Variants in FAM162A observed in about 807,000 individuals in gnomAD.
FAM162A encodes the protein family with sequence similarity 162 member A.
In FAM162A, 23 loss-of-function variants were observed where a neutral mutation model predicts 21.8. That is an observed-to-expected ratio of 1.05 (90% CI 0.76 to 1.49). The LOEUF is 1.49. FAM162A is among the 40% of genes most tolerant of loss of function. FAM162A has a pLI of 0.00. For missense variants in FAM162A, 165 were observed against 186.4 expected, an observed-to-expected ratio of 0.89 and a Z score of 0.67; for synonymous variants, 53 against 61.3, an observed-to-expected ratio of 0.86 and a Z score of 0.64.
At chr3:122,404,420 A>C in intron 3 of FAM162A, 57 bp downstream of exon 3, 1 of 889,562 alleles carries the variant, frequency 1.1e-6, no homozygotes, top group Non-Finnish European at 1.8e-6. Context: ...TCTAAGGGAA[A>C]AGCAATGCCT....
Position 122,384,282 on chromosome 3 carries a change from G to T in FAM162A, c.17G>T (p.Gly6Val). 6.3e-7 allele frequency: 1 copy of T among 1,579,344 alleles called. No individual in the cohort carries two copies. The highest frequency in any genetic ancestry group is 8.6e-7 in the Non-Finnish European group (1 of 1,163,084). The change falls in exon 1 of 5, where the codon GGT becomes GTT. Residue 6 changes from glycine to valine, a missense_variant. By Grantham distance (109) the Gly-to-Val change is moderately radical (BLOSUM62 -3). Coordinates refer to ENST00000477892, the MANE Select transcript of FAM162A (RefSeq NM_014367.4). The part of the protein sequence containing the change: MGSLS[G>V]LRLAAGSCFR... Reference sequence around the variant, plus strand: ...CAAGTGGCCATGGGGAGCCTCAGCGGTCTGCGCCTGGCAGCAGGTGAGACG... The same window carrying T: ...CAAGTGGCCATGGGGAGCCTCAGCGTTCTGCGCCTGGCAGCAGGTGAGACG...
intron 1 of FAM162A, among the ~76,000 whole-genome samples, chr3:122,388,286 A>G (rs1559998436): frequency 6.6e-6 from 1 of 152,206 alleles, no homozygotes; most frequent in Non-Finnish European, 1.5e-5. Context: ...GTATTGCCTC[A>G]TTGTCAGAAA....
rs1421484785 is a variant in FAM162A at position 122,407,377 on chromosome 3, T to C, written c.360T>C (p.Ile120=). The change falls in exon 4 of 5, where the codon ATT becomes ATC. Residue 120 remains isoleucine (I), a synonymous_variant. Coordinates refer to ENST00000477892, the MANE Select transcript of FAM162A (RefSeq NM_014367.4). ...TGGTAGGATGCATCTTCATGGTTAT[T>C]GAGGGCAAGAAGGTGAGAAGGGGTT... The part of the protein sequence containing the change: ...LTVVGCIFMV[I]EGKKAAQRHE... 1.2e-6 allele frequency: 2 copies of C among 1,613,492 alleles called. No homozygotes were observed. The highest frequency in any genetic ancestry group is 1.7e-6 in the Non-Finnish European group (2 of 1,179,560).
At position 122,410,033 on chromosome 3, in the gene FAM162A, T is replaced by C. The variant is rs776249454; in HGVS notation, c.*202T>C. On this transcript the variant is annotated 3_prime_UTR_variant, in exon 5 of 5. Coordinates refer to ENST00000477892, the MANE Select transcript of FAM162A (RefSeq NM_014367.4). The stretch of plus-strand genomic sequence containing the variant: ...TTTTATTGTTTTGATCCAAGTCAAG[T>C]GTAGCCTCTCAGCCTTTTGGAGAAA... The C allele has an allele frequency of 3.3e-6, 2 of 598,518 alleles. No homozygotes were observed. Among genetic ancestry groups the C allele is most frequent in the South Asian group, 1.8e-5 (1 of 55,066 alleles). 37.1% of individuals were successfully genotyped at this position (598,518 alleles called of 1,614,324 possible).
rs1169547171 is a variant in FAM162A at position 122,410,274 on chromosome 3, C to T, written c.*443C>T. 2 of 233,724 alleles carry T rather than the reference C, an allele frequency of 8.6e-6. No individual in the cohort carries two copies. The highest frequency in any genetic ancestry group is 2.3e-5 in the African/African-American group (1 of 42,846). The allele number at this position is 233,724 out of a possible 1,614,324, so 14.5% of individuals were successfully genotyped here. ...GTGGGGAGGCTGCCCCCTAATAGAG[C>T]GAGCGCTGAGAAGCAGCCAGACCAC... is the stretch of plus-strand genomic sequence containing the variant. On this transcript the variant is annotated 3_prime_UTR_variant, in exon 5 of 5. Coordinates refer to ENST00000477892, the MANE Select transcript of FAM162A (RefSeq NM_014367.4).
Position 122,407,315 on chromosome 3 carries a change from C to T in FAM162A, c.298C>T (p.Arg100Ter), listed in dbSNP as rs749194849. 5.0e-6 allele frequency: 8 copies of T among 1,613,886 alleles called. No individual in the cohort carries two copies. Among genetic ancestry groups the T allele is most frequent in the East Asian group, 2.2e-5 (1 of 44,870 alleles). Residue 100 changes from arginine (R) to a stop codon, truncating the protein, a stop_gained, in exon 4 of 5, where the codon CGA (arginine) becomes TGA (stop). Transcript: ENST00000477892. LOFTEE classifies it high-confidence loss of function. ...GCTTGATGCTGCAAAGAACAAGATG[C>T]GAGTGAAGATCAGCTATCTAATGAT... Reference protein sequence around the residue: ...EMLDAAKNKMRVKISYLMIAL... With the variant: ...EMLDAAKNKM
At chr3:122,399,997 G>A (rs921008311) in intron 1 of FAM162A, among the ~76,000 whole-genome samples, 1 of 152,218 alleles carries the variant, frequency 6.6e-6, no homozygotes, top group South Asian at 2.1e-4. Context: ...CCAGCTACTC[G>A]GAAGGCTGAA....
chr3:122,389,422 GATAGATA>G (rs2075590132), intron 1 of FAM162A, among the ~76,000 whole-genome samples: 1 of 151,752 alleles, frequency 6.6e-6, no homozygotes, highest in Non-Finnish European at 1.5e-5. Context: ...TAGATAGATA[GATAGATA>G]GATAGATGAG....
intron 1 of FAM162A, among the ~76,000 whole-genome samples, chr3:122,386,715 G>C (rs1389508963): frequency 6.6e-6 from 1 of 152,042 alleles, no homozygotes; most frequent in Non-Finnish European, 1.5e-5. Flanking sequence ...GAAATCTTTG[G>C]TATACTCCCT....
chr3:122,393,900 T>C (rs2075615544), intron 1 of FAM162A, among the ~76,000 whole-genome samples: 1 of 152,214 alleles, frequency 6.6e-6, no homozygotes, highest in African/African-American at 2.4e-5. Context: ...GAAGGTGTGT[T>C]AGGCCAGTCT....
intron 1 of FAM162A, among the ~76,000 whole-genome samples, chr3:122,400,657 TATACTAAAA>T (rs2075648558): frequency 6.7e-6 from 1 of 149,392 alleles, no homozygotes; most frequent in South Asian, 2.1e-4. Context: ...AAACCCCGTC[TATACTAAAA>T]ATACAAAAAA....
rs1044823712 is a variant in FAM162A at position 122,384,206 on chromosome 3, C to G, written c.-60C>G. Reference sequence around the variant, plus strand: ...CACTCCAACGCTGGGTGACATTGAGCTCACCAGCGCCACCGTCCCCGGCGA... The same window carrying G: ...CACTCCAACGCTGGGTGACATTGAGGTCACCAGCGCCACCGTCCCCGGCGA... On this transcript the variant is annotated 5_prime_UTR_variant, in exon 1 of 5. Transcript: ENST00000477892. 1.3e-6 allele frequency: 2 copies of G among 1,547,518 alleles called. No homozygotes were observed. Among genetic ancestry groups the G allele is most frequent in the Non-Finnish European group, 1.7e-6 (2 of 1,144,688 alleles).
chr3:122,387,815 T>C (rs1304866129), intron 1 of FAM162A, among the ~76,000 whole-genome samples: 7 of 152,190 alleles, frequency 4.6e-5, no homozygotes, highest in Admixed American at 2.0e-4. Flanking sequence ...TAATATACCA[T>C]TGGCTTCAAG....
At chr3:122,392,907 A>G (rs2075610535) in intron 1 of FAM162A, among the ~76,000 whole-genome samples, 1 of 152,244 alleles carries the variant, frequency 6.6e-6, no homozygotes, top group South Asian at 2.1e-4. Context: ...ATTTCAAAAA[A>G]AAAATAAACT....
At chr3:122,396,928 G>A (rs2075630883) in intron 1 of FAM162A, among the ~76,000 whole-genome samples, 2 of 65,716 alleles carry the variant, frequency 3.0e-5, no homozygotes, top group Admixed American at 1.2e-4. Context: ...AATCCATAGA[G>A]ACTGTGACTT....
rs1465908256 is a variant in FAM162A, at chr3:122,411,903, A to G, written c.*2072A>G. The G allele has an allele frequency of 6.6e-6, 1 of 152,170 alleles. No individual in the cohort carries two copies. Among genetic ancestry groups the G allele is most frequent in the African/African-American group, 2.4e-5 (1 of 41,438 alleles). The allele number at this position is 152,170 out of a possible 1,614,324, so 9.4% of individuals were successfully genotyped here. On this transcript the variant is annotated 3_prime_UTR_variant, in exon 5 of 5. Coordinates refer to ENST00000477892, the MANE Select transcript of FAM162A (RefSeq NM_014367.4). ...CATTAAACTAAAGCTCACAACTGTT[A>G]TTATGCATCAGGAATTAACAGTCAT...
intron 3 of FAM162A, among the ~76,000 whole-genome samples, chr3:122,406,876 GTCT>G (rs1457615623): frequency 6.6e-6 from 1 of 152,086 alleles, no homozygotes; most frequent in Admixed American, 6.5e-5. Flanking sequence ...ATCACATAAT[GTCT>G]TCTTAAGAAC....
intron 1 of FAM162A, among the ~76,000 whole-genome samples, chr3:122,386,634 T>C (rs911492782): frequency 3.9e-5 from 6 of 152,126 alleles, no homozygotes; most frequent in Non-Finnish European, 8.8e-5. Flanking sequence ...TAAGATTCTC[T>C]AGGTAAGTGA....
chr3:122,409,680 TA>T, intron 4 of FAM162A, 58 bp from the exon 5 acceptor site: 1 of 1,506,214 alleles, frequency 6.6e-7, no homozygotes, highest in Non-Finnish European at 9.2e-7. Flanking sequence ...CAGTGCAAGG[TA>T]AAGACACCCT....
Sources: allele counts gnomAD v4.1 joint callset (sites outside exome capture counted in the v4.1 genomes callset), GRCh38; gene constraint gnomAD v4.1.1; transcripts MANE v1.5; gene names NCBI Gene and HGNC (gene_info 2026-07-23, HGNC 2026-07-21).